RPL37A: variants seen among roughly 807,000 people sequenced by gnomAD.
The protein encoded by RPL37A is ribosomal protein L37a, also known as large ribosomal subunit protein eL43.
A neutral mutation model predicts 13.6 loss-of-function variants in RPL37A; 5 were observed. The observed-to-expected ratio is 0.37, with a 90% CI of 0.19 to 0.78. The LOEUF is 0.78. RPL37A is among the 30% of genes least tolerant of loss of function. The pLI is 0.49. For synonymous variants in RPL37A, 50 were observed against 44.4 expected, an observed-to-expected ratio of 1.13 and a Z score of -0.50; for missense variants, 77 against 120.0, an observed-to-expected ratio of 0.64 and a Z score of 1.67.
At chr2:216,499,176 C>A in intron 1 of RPL37A, 94 bp from the exon 2 acceptor site, 2 of 1,425,882 alleles carry the variant, frequency 1.4e-6, no homozygotes, top group South Asian at 1.3e-5. Flanking sequence ...ACATGTCGGT[C>A]ACACGTCAGT....
At position 216,499,215 on chromosome 2, in the gene RPL37A, C is replaced by T. The variant is rs1574496707; in HGVS notation, c.4-55C>T. The T allele has an allele frequency of 2.5e-6, 4 of 1,580,926 alleles. No individual in the cohort carries two copies. In the East Asian group the frequency reaches 6.7e-5, roughly 27 times the overall value. Reference sequence around the variant, plus strand: ...GTGGAGGAACGGTGTGTGGAGGCTCCAGGGCCTGCCTGGGTTCCAGGTCTA... The same window carrying T: ...GTGGAGGAACGGTGTGTGGAGGCTCTAGGGCCTGCCTGGGTTCCAGGTCTA... On this transcript the variant is annotated intron_variant, in intron 1 of 3. Transcript: ENST00000491306.
intron 2 of RPL37A, chr2:216,499,726 C>T (rs1260972929): frequency 1.4e-6 from 1 of 691,092 alleles, no homozygotes; most frequent in East Asian, 2.7e-5. Flanking sequence ...GATGTCTGTG[C>T]ATCTAATACC....
chr2:216,498,862 A>G lies in RPL37A; in HGVS notation c.-13A>G, dbSNP rs1218461721. 6 of 1,613,974 alleles carry G rather than the reference A, an allele frequency of 3.7e-6. No homozygotes were observed. Among genetic ancestry groups the G allele is most frequent in the Middle Eastern group, 1.6e-4 (1 of 6,082 alleles). On this transcript the variant is annotated 5_prime_UTR_variant, in exon 1 of 4. Coordinates refer to ENST00000491306, the MANE Select transcript of RPL37A (RefSeq NM_000998.5). ...TCTCTTCCTTTCTGGGCTCGGACCT[A>G]GGTCGCGGCGACATGGTGAGTGTGG...
chr2:216,498,960 C>T (rs912872155), intron 1 of RPL37A, 83 bp downstream of exon 1: 60 of 1,560,218 alleles, frequency 3.8e-5, no homozygotes, highest in Non-Finnish European at 4.9e-5. Flanking sequence ...ATCTCCTCTC[C>T]TGCCTTACCC....
chr2:216,499,485 C>T lies in RPL37A; in HGVS notation c.132+87C>T, dbSNP rs1695559294. ...CCTGACTTCAAGGTATTTTATAAGC[C>T]GTGTGCTGGTGGGCAGTTGGAATTA... On this transcript the variant is annotated intron_variant, in intron 2 of 3. Coordinates refer to ENST00000491306, the MANE Select transcript of RPL37A (RefSeq NM_000998.5). The T allele has an allele frequency of 2.7e-6, 4 of 1,493,744 alleles. No individual in the cohort carries two copies. In the Admixed American group the frequency reaches 6.5e-5, roughly 24 times the overall value. 92.5% of individuals were successfully genotyped at this position (1,493,744 alleles called of 1,614,324 possible).
chr2:216,499,083 G>T, intron 1 of RPL37A, 187 bp from the exon 2 acceptor site: 1 of 1,137,936 alleles, frequency 8.8e-7, no homozygotes, highest in South Asian at 1.6e-5. Flanking sequence ...CCGGGTTAAC[G>T]CCGGGCCTTC....
In RPL37A at chr2:216,501,452, A is replaced by G; in HGVS notation, c.*48A>G. ...ATCACTGGCCTATAATAAATGGGTT[A>G]ATTTATGTAACAAAATTGCCTTGGC... On this transcript the variant is annotated 3_prime_UTR_variant, in exon 4 of 4. Transcript: ENST00000491306. 1 of 1,339,854 alleles carries G rather than the reference A, an allele frequency of 7.5e-7. No individual in the cohort carries two copies. Among genetic ancestry groups the G allele is most frequent in the South Asian group, 1.2e-5 (1 of 81,956 alleles). 83.0% of individuals were successfully genotyped at this position (1,339,854 alleles called of 1,614,324 possible). A position where few individuals can be genotyped will look rare whatever the true frequency, so the allele number is the denominator to read the frequency against.
Position 216,499,386 on chromosome 2 carries a change from T to G in RPL37A, c.120T>G (p.Ser40=). The G allele has an allele frequency of 6.2e-7, 1 of 1,614,156 alleles. No individual in the cohort carries two copies. The highest frequency in any genetic ancestry group is 8.5e-7 in the Non-Finnish European group (1 of 1,180,032). The change falls in exon 2 of 4, where the codon TCT becomes TCG. Residue 40 remains serine, a synonymous_variant. Coordinates refer to ENST00000491306, the MANE Select transcript of RPL37A (RefSeq NM_000998.5). ...EISQHAKYTC[S]FCGKTKMKRR... The stretch of plus-strand genomic sequence containing the variant: ...GCCAGCACGCCAAGTACACTTGCTC[T>G]TTCTGTGGCAAAGTAAGTAAGGCAA...
At chr2:216,498,945 C>T (rs1695548149) in intron 1 of RPL37A, 68 bp downstream of exon 1, 6 of 1,591,750 alleles carry the variant, frequency 3.8e-6, no homozygotes, top group Middle Eastern at 1.7e-4. Context: ...TCTTCTCCCG[C>T]ACCCATCTCC....
rs1218559702 is a variant in RPL37A at position 216,502,180 on chromosome 2, A to T, written c.*776A>T. ...CGTCTCGACGAAAAATACAAAAAATAGCTTGGTATGGTGGCACATGCCTGT... is the reference window on the plus strand; with the variant it reads ...CGTCTCGACGAAAAATACAAAAAATTGCTTGGTATGGTGGCACATGCCTGT... On this transcript the variant is annotated 3_prime_UTR_variant, in exon 4 of 4. Coordinates refer to ENST00000491306, the MANE Select transcript of RPL37A (RefSeq NM_000998.5). The T allele has an allele frequency of 6.6e-6, 1 of 152,098 alleles. No homozygotes were observed. The highest frequency in any genetic ancestry group is 1.9e-4 in the East Asian group (1 of 5,142). The allele number at this position is 152,098 out of a possible 1,614,324, so 9.4% of individuals were successfully genotyped here.
rs893246793 is a variant in RPL37A, at chr2:216,502,776, A to G, written c.*1372A>G. ...TCTTTAGGACAGAGTAAAAACCTTTATTTCACTTGGTCTGACCCCTATCTT... is the reference window on the plus strand; with the variant it reads ...TCTTTAGGACAGAGTAAAAACCTTTGTTTCACTTGGTCTGACCCCTATCTT... On this transcript the variant is annotated 3_prime_UTR_variant, in exon 4 of 4. Transcript: ENST00000491306. The G allele has an allele frequency of 3.9e-5, 6 of 152,104 alleles. No homozygotes were observed. Among genetic ancestry groups the G allele is most frequent in the African/African-American group, 1.4e-4 (6 of 41,414 alleles). The allele number at this position is 152,104 out of a possible 1,614,324, so 9.4% of individuals were successfully genotyped here. A position where few individuals can be genotyped will look rare whatever the true frequency, so the allele number is the denominator to read the frequency against.
chr2:216,500,269 C>T (rs1427851403), intron 3 of RPL37A: 2 of 563,454 alleles, frequency 3.5e-6, no homozygotes, highest in Non-Finnish European at 6.3e-6. Flanking sequence ...TTGATGGTCA[C>T]TGGGCACATT....
At chr2:216,499,212 CTCCAGGGCCTGCCTGGGT>C (rs1157972385) in intron 1 of RPL37A, 40 bp from the exon 2 acceptor site, 18 of 1,575,220 alleles carry the variant, frequency 1.1e-5, no homozygotes, top group Admixed American at 3.6e-5. Flanking sequence ...TGTGTGGAGG[CTCCAGGGCCTGCCTGGGT>C]TCCAGGTCTA....
intron 3 of RPL37A, 33 bp downstream of exon 3, chr2:216,500,064 T>C (rs755060518): frequency 6.4e-7 from 1 of 1,570,008 alleles, no homozygotes; most frequent in Non-Finnish European, 8.8e-7. Context: ...TTTGGAAGTG[T>C]GTGGACCACA....
At chr2:216,500,520 A>G (rs1307350956) in intron 3 of RPL37A, 2 of 171,670 alleles carry the variant, frequency 1.2e-5, no homozygotes, top group African/African-American at 4.8e-5. Context: ...CAAACACTAT[A>G]CTACAAACTA....
intron 3 of RPL37A, 31 bp from the exon 4 acceptor site, chr2:216,501,306 CTTAA>C: frequency 8.9e-6 from 14 of 1,579,504 alleles, no homozygotes; most frequent in Non-Finnish European, 1.2e-5. Flanking sequence ...TGTTAACATG[CTTAA>C]TTATGTTGGA....
chr2:216,500,170 CGTG>C (rs1386579237), intron 3 of RPL37A, 139 bp downstream of exon 3: 9 of 664,702 alleles, frequency 1.4e-5, no homozygotes, highest in Admixed American at 1.1e-4. Context: ...AGGATTCTTC[CGTG>C]GTGGTTTATT....
intron 3 of RPL37A, chr2:216,500,269 C>A (rs1427851403): frequency 3.5e-6 from 2 of 563,454 alleles, no homozygotes; most frequent in South Asian, 2.1e-5. Flanking sequence ...TTGATGGTCA[C>A]TGGGCACATT....
chr2:216,501,617 TC>T lies in RPL37A; in HGVS notation c.*215del. On this transcript the variant is annotated 3_prime_UTR_variant, in exon 4 of 4. Coordinates refer to ENST00000491306, the MANE Select transcript of RPL37A (RefSeq NM_000998.5). ...AAATGCAGCATAAGAATATAAGTCT[TC>T]CAAGTTAGATATGAGTGTTAGCTTT... 1 of 412,126 alleles carries T rather than the reference TC, an allele frequency of 2.4e-6. No homozygotes were observed. The highest frequency in any genetic ancestry group is 4.0e-5 in the East Asian group (1 of 25,284). 25.5% of individuals were successfully genotyped at this position (412,126 alleles called of 1,614,324 possible).
Sources: allele counts gnomAD v4.1 joint callset, GRCh38; gene constraint gnomAD v4.1.1; transcripts MANE v1.5; gene names NCBI Gene and HGNC (gene_info 2026-07-23, HGNC 2026-07-21).